The following CATSPERG variants were observed in gnomAD, a reference collection of about 807,000 sequenced individuals.
The protein encoded by CATSPERG is cation channel sperm-associated auxiliary subunit gamma.
CATSPERG carries 115 observed loss-of-function variants against 145.0 expected under a neutral mutation model. The observed-to-expected ratio is 0.79, with a 90% CI of 0.68 to 0.93. CATSPERG has a LOEUF of 0.93. CATSPERG is among the 40% of genes least tolerant of loss of function. CATSPERG has a pLI of 0.00. For synonymous variants in CATSPERG, 588 were observed against 589.0 expected, an observed-to-expected ratio of 1.00 and a Z score of 0.02; for missense variants, 1,296 against 1,490.1, an observed-to-expected ratio of 0.87 and a Z score of 2.14.
At chr19:38,369,334 C>T (rs2145117095) in intron 26 of CATSPERG, 1 of 162,500 alleles carries the variant, frequency 6.2e-6, no homozygotes, top group East Asian at 1.8e-4. Flanking sequence ...AATCTCAGCT[C>T]ACTGCAACCT....
rs1387061334 is a variant in CATSPERG at position 38,344,387 on chromosome 19, G to T, written c.669+19G>T. On this transcript the variant is annotated intron_variant, in intron 6 of 28. Transcript: ENST00000409235. ...AGAGGAGGTGAGGGAATATGGCAGG[G>T]GAAAAAGACAATGGTCTGGGCCTTA... 20 of 1,548,050 alleles carry T rather than the reference G, an allele frequency of 1.3e-5. No individual in the cohort carries two copies. Among genetic ancestry groups the T allele is most frequent in the Non-Finnish European group, 1.5e-5 (17 of 1,143,794 alleles).
At chr19:38,367,938 C>T in intron 25 of CATSPERG, 110 bp from the exon 26 acceptor site, 2 of 1,178,120 alleles carry the variant, frequency 1.7e-6, no homozygotes, top group African/African-American at 1.5e-5. Context: ...CCGCCCCTAA[C>T]ACCATGTCCC....
chr19:38,356,384 G>A (rs927834768), intron 9 of CATSPERG, 100 bp from the exon 10 acceptor site: 4 of 975,780 alleles, frequency 4.1e-6, no homozygotes, highest in Admixed American at 1.8e-5. Context: ...TCCCAAGGAC[G>A]GAGGGGCTGG....
At chr19:38,340,359 C>T (rs1476066968) in intron 3 of CATSPERG, among the ~76,000 whole-genome samples, 2 of 150,592 alleles carry the variant, frequency 1.3e-5, no homozygotes, top group Non-Finnish European at 3.0e-5. Context: ...CTCACTCTGT[C>T]ACCCAGGCTG....
intron 22 of CATSPERG, 131 bp from the exon 23 acceptor site, chr19:38,367,025 T>C: frequency 1.3e-6 from 1 of 783,576 alleles, no homozygotes; most frequent in Non-Finnish European, 2.0e-6. Flanking sequence ...ATATTGCCCT[T>C]GGGGGTGAGG....
intron 1 of CATSPERG, 172 bp from the exon 2 acceptor site, chr19:38,337,049 A>AGGAGCAAGAGCAGGGGCG (rs1969851786): frequency 2.6e-6 from 2 of 757,646 alleles, no homozygotes; most frequent in African/African-American, 3.5e-5. Flanking sequence ...GGGCAGGGCC[A>AGGAGCAAGAGCAGGGGCG]GGAGCAAGAG....
intron 3 of CATSPERG, among the ~76,000 whole-genome samples, chr19:38,342,967 G>A (rs1969963824): frequency 1.3e-5 from 2 of 152,050 alleles, no homozygotes; most frequent in South Asian, 4.2e-4. Context: ...CTCACCCCAA[G>A]CTCAAGGCCC....
intron 7 of CATSPERG, 141 bp downstream of exon 7, chr19:38,346,746 AAAC>A: frequency 6.6e-6 from 5 of 757,440 alleles, no homozygotes; most frequent in Non-Finnish European, 9.7e-6. Flanking sequence ...CATGAAGAAA[AAAC>A]ACAAGATTCT....
Position 38,362,571 on chromosome 19 carries a change from C to T in CATSPERG, c.2353C>T (p.Leu785Phe). The change falls in exon 19 of 29, where the codon CTC (leucine) becomes TTC (phenylalanine). Residue 785 changes from leucine (L) to phenylalanine (F), a missense_variant. Transcript: ENST00000409235. ...QGHSFRTQSE[L>F]GTAFQLHSQV... ...CCACTCGTTCCGGACGCAGTCAGAA[C>T]TCGGTCTGCGCGGGACCAGAGTGGA... 2 of 1,613,874 alleles carry T rather than the reference C, an allele frequency of 1.2e-6. No homozygotes were observed. The highest frequency in any genetic ancestry group is 1.7e-6 in the Non-Finnish European group (2 of 1,180,000).
chr19:38,367,837 T>C (rs1970480877), intron 25 of CATSPERG, 61 bp downstream of exon 25: 1 of 1,505,050 alleles, frequency 6.6e-7, no homozygotes, highest in South Asian at 1.1e-5. Flanking sequence ...CTTTCCCACT[T>C]CCAAGCCAAG....
At chr19:38,367,042 C>T (rs1187216571) in intron 22 of CATSPERG, 114 bp from the exon 23 acceptor site, 2 of 965,604 alleles carry the variant, frequency 2.1e-6, no homozygotes, top group Non-Finnish European at 3.0e-6. Flanking sequence ...GAGGGAGAGC[C>T]AGGCAGCTGG....
rs533387057 is a variant in CATSPERG, at chr19:38,354,916, C to G, written c.1135+69C>G. Reference sequence around the variant, plus strand: ...CCTCTCTCACCTCCGAGAATTCTAACCTTGGGCCCTCACTCATTACCATGT... The same window carrying G: ...CCTCTCTCACCTCCGAGAATTCTAAGCTTGGGCCCTCACTCATTACCATGT... On this transcript the variant is annotated intron_variant, in intron 9 of 28. Coordinates refer to ENST00000409235, the MANE Select transcript of CATSPERG (RefSeq NM_021185.5). The G allele has an allele frequency of 8.4e-5, 129 of 1,544,796 alleles. No individual in the cohort carries two copies. In the African/African-American group the frequency reaches 1.2e-3, roughly 14 times the overall value.
Position 38,344,058 on chromosome 19 carries a change from A to C in CATSPERG, c.535A>C (p.Ser179Arg). 6.4e-7 allele frequency: 1 copy of C among 1,551,590 alleles called. No individual in the cohort carries two copies. The highest frequency in any genetic ancestry group is 8.7e-7 in the Non-Finnish European group (1 of 1,146,914). ...WYTPMPIKKG[S>R]VVMRVDISSN... Reference sequence around the variant, plus strand: ...CACGCCCATGCCCATCAAGAAAGGCAGTGTGGTCATGCGTGTGGACATCAG... The same window carrying C: ...CACGCCCATGCCCATCAAGAAAGGCCGTGTGGTCATGCGTGTGGACATCAG... Residue 179 changes from serine to arginine, a missense_variant, in exon 5 of 29, where the codon AGT (serine) becomes CGT (arginine). Ser to Arg is a moderately radical substitution (Grantham distance 110). Transcript: ENST00000409235.
chr19:38,367,531 TC>T lies in CATSPERG; in HGVS notation c.2794del (p.Gln932LysfsTer4). The T allele has an allele frequency of 6.2e-7, 1 of 1,614,132 alleles. No homozygotes were observed. The highest frequency in any genetic ancestry group is 8.5e-7 in the Non-Finnish European group (1 of 1,180,010). ...RDIFYPFFLI[Q>X]DLVTGDSGSF... ...TAGTTTTCTACCCCTTCTTCTTGAT[TC>T]AAGATTTGGTGACAGGAGACTCCGG... On this transcript the variant is annotated frameshift_variant, in exon 24 of 29. Transcript: ENST00000409235. LOFTEE classifies it high-confidence loss of function.
intron 7 of CATSPERG, among the ~76,000 whole-genome samples, chr19:38,350,713 G>A (rs1386289890): frequency 6.6e-6 from 1 of 152,172 alleles, no homozygotes; most frequent in East Asian, 1.9e-4. Flanking sequence ...TGTTGGCTGG[G>A]TGTGGTGGCT....
At position 38,337,480 on chromosome 19, in the gene CATSPERG, G is replaced by A; in HGVS notation, c.246G>A (p.Val82=). The A allele has an allele frequency of 6.4e-7, 1 of 1,552,088 alleles. No homozygotes were observed. The change falls in exon 2 of 29, where the codon GTG becomes GTA. Residue 82 remains valine, a synonymous_variant. Coordinates refer to ENST00000409235, the MANE Select transcript of CATSPERG (RefSeq NM_021185.5). Reference sequence around the variant, plus strand: ...TGAGCAGCTTGTTTCACATGCTGGTGGACTCACCCATCGACCCGAGCGAGG... The same window carrying A: ...TGAGCAGCTTGTTTCACATGCTGGTAGACTCACCCATCGACCCGAGCGAGG... The part of the protein sequence containing the change: ...DTVSSLFHML[V]DSPIDPSEKY...
intron 7 of CATSPERG, among the ~76,000 whole-genome samples, chr19:38,348,071 G>A (rs1399456448): frequency 6.6e-6 from 1 of 152,132 alleles, no homozygotes; most frequent in Non-Finnish European, 1.5e-5. Context: ...TGCTTATGTG[G>A]AATTTGTTCA....
At chr19:38,351,602 C>T (rs565738377) in intron 7 of CATSPERG, among the ~76,000 whole-genome samples, 27 of 143,006 alleles carry the variant, frequency 1.9e-4, no homozygotes, top group Admixed American at 1.5e-3. Context: ...AGCAAGACTC[C>T]GCCTCAAAAA....
At chr19:38,348,380 T>G (rs891985923) in intron 7 of CATSPERG, among the ~76,000 whole-genome samples, 1 of 151,930 alleles carries the variant, frequency 6.6e-6, no homozygotes, top group African/African-American at 2.4e-5. Flanking sequence ...AGACTGGTCT[T>G]AAACTCCTGC....
Sources: allele counts gnomAD v4.1 joint callset (sites outside exome capture counted in the v4.1 genomes callset), GRCh38; gene constraint gnomAD v4.1.1; transcripts MANE v1.5; gene names NCBI Gene and HGNC (gene_info 2026-07-23, HGNC 2026-07-21).